Variants in SECISBP2 observed in about 807,000 individuals in gnomAD.
SECISBP2 encodes the protein selenocysteine insertion sequence-binding protein 2.
In SECISBP2, 96 loss-of-function variants were observed where a neutral mutation model predicts 98.2. The ratio of observed to expected loss-of-function variants is 0.98; its 90% confidence interval spans 0.83 to 1.16. The LOEUF (loss-of-function observed/expected upper bound fraction) is 1.16, where lower values mean the gene tolerates loss of function less well. Ranked by LOEUF, SECISBP2 falls within the 50% of genes most tolerant of loss-of-function variation. The pLI is 0.00. For missense variants in SECISBP2, 1,046 were observed against 1,022.9 expected (o/e 1.02, Z -0.31); for synonymous variants, 407 against 370.2 (o/e 1.10, Z -1.14).
intron 7 of SECISBP2, among the ~76,000 whole-genome samples, chr9:89,337,762 A>G (rs1410004406): frequency 1.3e-5 from 2 of 152,218 alleles, no homozygotes; most frequent in Non-Finnish European, 1.5e-5. Flanking sequence ...GAGCCTCCCC[A>G]TTCTGATGGA....
At chr9:89,350,079 G>C in intron 13 of SECISBP2, 150 bp downstream of exon 13, 1 of 898,368 alleles carries the variant, frequency 1.1e-6, no homozygotes. Context: ...CTGGTTACAC[G>C]CATTCAGGGA....
chr9:89,350,109 G>C (rs1831051102), intron 13 of SECISBP2, among the ~76,000 whole-genome samples, 180 bp downstream of exon 13: 1 of 152,228 alleles, frequency 6.6e-6, no homozygotes, highest in Admixed American at 6.5e-5. Flanking sequence ...CGTTGTGTCT[G>C]ATTCTGCTTC....
downstream of SECISBP2, among the ~76,000 whole-genome samples, chr9:89,362,670 T>C (rs1017944591): frequency 1.3e-5 from 2 of 152,170 alleles, no homozygotes; most frequent in African/African-American, 4.8e-5. Flanking sequence ...GCAGGAGGGC[T>C]GGAGAGAGGG....
intron 2 of SECISBP2, chr9:89,324,101 T>A (rs1826275768): frequency 6.6e-6 from 1 of 152,252 alleles, no homozygotes; most frequent in African/African-American, 2.4e-5. Flanking sequence ...ACTCATCTTT[T>A]ATGAAGAACA....
intron 6 of SECISBP2, 38 bp downstream of exon 6, chr9:89,333,024 C>A: frequency 6.4e-7 from 1 of 1,564,296 alleles, no homozygotes. Context: ...TTTAAAATGT[C>A]ATAGATTTTT....
Position 89,358,049 on chromosome 9 carries a change from C to T in SECISBP2, c.2319C>T (p.Tyr773=). The stretch of plus-strand genomic sequence containing the variant: ...TGACAGTGGCGGCCCGACAGGCGTA[C>T]AAGACCATGCTGGAGAATGTGCAGC... ...VELTVAARQA[Y]KTMLENVQQE... The change falls in exon 16 of 17, where the codon TAC becomes TAT. Residue 773 remains tyrosine (Y), a synonymous_variant. Transcript: ENST00000375807. 6.2e-7 allele frequency: 1 copy of T among 1,613,740 alleles called. No homozygotes were observed. The highest frequency in any genetic ancestry group is 8.5e-7 in the Non-Finnish European group (1 of 1,180,022).
chr9:89,343,011 TATG>T (rs1829885055), intron 10 of SECISBP2, among the ~76,000 whole-genome samples: 1 of 152,250 alleles, frequency 6.6e-6, no homozygotes, highest in Middle Eastern at 3.2e-3. Flanking sequence ...TTCCACTTGA[TATG>T]ATGACATTGT....
At chr9:89,362,468 G>C (rs1338545503), downstream of SECISBP2, 4 of 1,613,986 alleles carry the variant, frequency 2.5e-6, no homozygotes, top group Non-Finnish European at 2.5e-6. Flanking sequence ...TGGTGGAACG[G>C]ATGGGCCTTT....
intron 11 of SECISBP2, among the ~76,000 whole-genome samples, chr9:89,347,359 CCCTTCAT>C (rs1830564683): frequency 6.6e-6 from 1 of 152,066 alleles, no homozygotes; most frequent in Non-Finnish European, 1.5e-5. Flanking sequence ...CTTATGATCC[CCCTTCAT>C]CCTACCCTAG....
At chr9:89,350,944 C>T (rs1831195359) in intron 14 of SECISBP2, 92 bp downstream of exon 14, 2 of 1,057,360 alleles carry the variant, frequency 1.9e-6, no homozygotes, top group African/African-American at 1.6e-5. Flanking sequence ...CGGCCCATGC[C>T]ACAGGTCTTG....
At position 89,357,993 on chromosome 9, in the gene SECISBP2, C is replaced by T. The variant is rs769845828; in HGVS notation, c.2269-6C>T. 7 of 1,612,200 alleles carry T rather than the reference C, an allele frequency of 4.3e-6. No homozygotes were observed. Among genetic ancestry groups the T allele is most frequent in the African/African-American group, 1.3e-5 (1 of 74,690 alleles). On this transcript the variant is annotated splice_polypyrimidine_tract_variant and splice_region_variant and intron_variant, in intron 15 of 16. Transcript: ENST00000375807. ...TGTTACCTGTGTGCTCTCACTTGTG[C>T]CCAAGGATCAGTTCCACAAGATGGT...
chr9:89,358,943 T>C lies in SECISBP2; in HGVS notation c.*119T>C. The C allele has an allele frequency of 2.7e-6, 2 of 729,782 alleles. No homozygotes were observed. The highest frequency in any genetic ancestry group is 4.9e-6 in the Non-Finnish European group (2 of 412,210). The allele number at this position is 729,782 out of a possible 1,614,324, so 45.2% of individuals were successfully genotyped here. ...TTGTGTAACTGTTGAATCTGGAAAT[T>C]GATCAGCATTAAAGGGCACATGAAG... On this transcript the variant is annotated 3_prime_UTR_variant, in exon 17 of 17. Coordinates refer to ENST00000375807, the MANE Select transcript of SECISBP2 (RefSeq NM_024077.5).
chr9:89,335,306 G>A lies in SECISBP2; in HGVS notation c.1089+576G>A, dbSNP rs531512306. ...TTAGGGAAAAAGAGATGTGCATCAC[G>A]TTTTGATTACGTTGATTTTCTGTGC... is the stretch of plus-strand genomic sequence containing the variant. On this transcript the variant is annotated intron_variant, in intron 7 of 16. Transcript: ENST00000375807. Among the ~76,000 whole-genome samples the A allele has an allele frequency of 4.6e-5, 7 of 152,002 alleles. No homozygotes were observed. In the South Asian group the frequency reaches 8.3e-4, roughly 18 times the overall value.
At chr9:89,362,480 C>T, downstream of SECISBP2, 1 of 1,613,900 alleles carries the variant, frequency 6.2e-7, no homozygotes. Flanking sequence ...TGGGCCTTTC[C>T]TGCTCTGCAG....
At chr9:89,318,959 C>T in intron 1 of SECISBP2, 1 of 1,125,072 alleles carries the variant, frequency 8.9e-7, no homozygotes, top group Non-Finnish European at 1.1e-6. Flanking sequence ...TTAAAGGATC[C>T]TGCGTTTTTC....
At position 89,332,982 on chromosome 9, in the gene SECISBP2, A is replaced by G. The variant is rs774674727; in HGVS notation, c.876A>G (p.Thr292=). ...ANAATNSPSC[T]RELSWTPMGY... is the part of the protein sequence containing the mutation. ...CCGCTACCAATTCTCCTTCATGTAC[A>G]AGAGGTAAAAGTGGCTGCAAAAATG... The change falls in exon 6 of 17, where the codon ACA becomes ACG. Residue 292 remains threonine, a synonymous_variant. Transcript: ENST00000375807. 1 of 1,613,312 alleles carries G rather than the reference A, an allele frequency of 6.2e-7. No homozygotes were observed. The highest frequency in any genetic ancestry group is 1.3e-5 in the African/African-American group (1 of 74,922).
At chr9:89,322,872 G>A (rs976033799) in intron 2 of SECISBP2, 6 of 152,306 alleles carry the variant, frequency 3.9e-5, no homozygotes, top group African/African-American at 1.4e-4. Flanking sequence ...TAGTACAGCT[G>A]AAAAGTTTTA....
At chr9:89,344,449 G>A (rs1003643880) in intron 10 of SECISBP2, among the ~76,000 whole-genome samples, 7 of 152,120 alleles carry the variant, frequency 4.6e-5, no homozygotes, top group East Asian at 1.9e-4. Flanking sequence ...TGGGTTTTAC[G>A]TTTAAGTCTT....
intron 14 of SECISBP2, among the ~76,000 whole-genome samples, chr9:89,353,677 C>T (rs1465493709): frequency 6.6e-6 from 1 of 152,190 alleles, no homozygotes; most frequent in Non-Finnish European, 1.5e-5. Flanking sequence ...AAACTTTTTG[C>T]TGTTGTCTCT....
Sources: allele counts gnomAD v4.1 joint callset (sites outside exome capture counted in the v4.1 genomes callset), GRCh38; gene constraint gnomAD v4.1.1; transcripts MANE v1.5; gene names NCBI Gene and HGNC (gene_info 2026-07-23, HGNC 2026-07-21).